SLC25A12: variants seen among roughly 807,000 people sequenced by gnomAD.
SLC25A12 encodes the protein electrogenic aspartate/glutamate antiporter SLC25A12, mitochondrial.
Under a neutral mutation model 83.3 loss-of-function variants are expected in SLC25A12, and 32 were observed. The observed-to-expected ratio is 0.38, with a 90% CI of 0.29 to 0.52. The LOEUF is 0.52. Ranked by LOEUF, SLC25A12 falls within the 20% of genes least tolerant of loss-of-function variation. The probability of loss-of-function intolerance (pLI) is 0.84; values close to 1 mark genes in which losing one functional copy is unlikely to be tolerated. For missense variants in SLC25A12, 611 were observed against 835.6 expected, an observed-to-expected ratio of 0.73 and a Z score of 3.31; for synonymous variants, 267 against 291.1, an observed-to-expected ratio of 0.92 and a Z score of 0.84.
At chr2:171,843,100 C>A (rs943865324) in intron 5 of SLC25A12, among the ~76,000 whole-genome samples, 1 of 152,004 alleles carries the variant, frequency 6.6e-6, no homozygotes, top group Admixed American at 6.6e-5. Context: ...GGATTACAGG[C>A]GTGAGCTACC....
rs1049043275 is a variant in SLC25A12, at chr2:171,821,991, G to A, written c.930+4807C>T. ...GGAAAAGACTTTTGTGTATGGTATG[G>A]GGTAGTGATTTTTTTTCCTTGTTGA... On this transcript the variant is annotated intron_variant, in intron 9 of 17. Coordinates refer to ENST00000422440, the MANE Select transcript of SLC25A12 (RefSeq NM_003705.5). Among the ~76,000 whole-genome samples, 7 of 152,170 alleles carry A rather than the reference G, an allele frequency of 4.6e-5. No individual in the cohort carries two copies. In the East Asian group the frequency reaches 7.7e-4, roughly 17 times the overall value.
chr2:171,859,810 G>A (rs145772172), intron 3 of SLC25A12, among the ~76,000 whole-genome samples: 3,195 of 152,038 alleles, frequency 0.021, 53 homozygotes, highest in Middle Eastern at 0.037. Context: ...TGCCCCAGCT[G>A]GAGTGCAATG....
intron 17 of SLC25A12, among the ~76,000 whole-genome samples, chr2:171,786,888 G>C (rs1222893700): frequency 6.6e-6 from 1 of 152,116 alleles, no homozygotes; most frequent in Non-Finnish European, 1.5e-5. Flanking sequence ...ATGCAAAAGG[G>C]CTTGGGACTT....
intron 4 of SLC25A12, among the ~76,000 whole-genome samples, chr2:171,853,291 A>C (rs1398276951): frequency 1.3e-5 from 2 of 152,242 alleles, no homozygotes; most frequent in African/African-American, 4.8e-5. Context: ...GTACCGTAAA[A>C]ACTAAAACTG....
Position 171,881,807 on chromosome 2 carries a change from A to C in SLC25A12, c.66+11398T>G, listed in dbSNP as rs182563706. Among the ~76,000 whole-genome samples the C allele has an allele frequency of 3.3e-5, 5 of 152,258 alleles. No individual in the cohort carries two copies. In the East Asian group the frequency reaches 9.6e-4, roughly 29 times the overall value. ...ATCAATAGCAATCTGTGTTGAACAG[A>C]TCTGCTGAAAATAATGAGCCATGGG... is the stretch of plus-strand genomic sequence containing the variant. On this transcript the variant is annotated intron_variant, in intron 2 of 17. Transcript: ENST00000422440.
chr2:171,850,593 C>T (rs1684907721), intron 4 of SLC25A12, among the ~76,000 whole-genome samples: 1 of 152,096 alleles, frequency 6.6e-6, no homozygotes, highest in African/African-American at 2.4e-5. Context: ...TCTCAAACTC[C>T]TGATCTTGTG....
intron 4 of SLC25A12, among the ~76,000 whole-genome samples, chr2:171,847,030 A>T (rs1235387085): frequency 6.6e-6 from 1 of 152,140 alleles, no homozygotes; most frequent in African/African-American, 2.4e-5. Context: ...ATTTTCCATG[A>T]GTATTTGGAC....
chr2:171,835,840 T>A (rs1446589003), intron 6 of SLC25A12, among the ~76,000 whole-genome samples: 1 of 151,838 alleles, frequency 6.6e-6, no homozygotes, highest in African/African-American at 2.4e-5. Flanking sequence ...TATATTTGTG[T>A]TAGCCTGAAT....
chr2:171,813,073 T>C (rs1016212403), intron 11 of SLC25A12, among the ~76,000 whole-genome samples: 6 of 152,212 alleles, frequency 3.9e-5, no homozygotes, highest in South Asian at 2.1e-4. Context: ...CATGGTGACA[T>C]AGACCCATGT....
chr2:171,815,183 C>G lies in SLC25A12; in HGVS notation c.950G>C (p.Arg317Thr), dbSNP rs1558916757. 1.2e-6 allele frequency: 2 copies of G among 1,613,702 alleles called. No individual in the cohort carries two copies. The highest frequency in any genetic ancestry group is 3.3e-5 in the Admixed American group (2 of 59,966). ...LQRQQSPGLG[R>T]PIWLQIAESA... Reference sequence around the variant, plus strand: ...CTCGGCAATCTGGAGCCAGATAGGCCTGCCTAACCCAGGAGACTGCTGCAG... The same window carrying G: ...CTCGGCAATCTGGAGCCAGATAGGCGTGCCTAACCCAGGAGACTGCTGCAG... Residue 317 changes from arginine (R) to threonine (T), a missense_variant, in exon 10 of 18, where the codon AGG (arginine) becomes ACG (threonine). By Grantham distance (71) the Arg-to-Thr change is moderately conservative (BLOSUM62 -1). Transcript: ENST00000422440.
At chr2:171,849,649 C>T (rs1684878022) in intron 4 of SLC25A12, among the ~76,000 whole-genome samples, 1 of 150,770 alleles carries the variant, frequency 6.6e-6, no homozygotes, top group Admixed American at 6.6e-5. Flanking sequence ...CTGACCTCAG[C>T]CTCCCGGGTT....
chr2:171,838,220 C>T (rs746660432), intron 5 of SLC25A12, among the ~76,000 whole-genome samples: 8 of 152,140 alleles, frequency 5.3e-5, no homozygotes, highest in Non-Finnish European at 1.0e-4. Flanking sequence ...TCAAAGACTA[C>T]AAATTAATGT....
intron 13 of SLC25A12, 103 bp from the exon 14 acceptor site, chr2:171,793,870 A>G: frequency 5.0e-6 from 7 of 1,389,760 alleles, no homozygotes; most frequent in Non-Finnish European, 6.1e-6. Context: ...CTATCTTGAA[A>G]AGAAGGAGGT....
At chr2:171,868,417 G>A (rs945432247) in intron 3 of SLC25A12, among the ~76,000 whole-genome samples, 9 of 150,214 alleles carry the variant, frequency 6.0e-5, no homozygotes, top group Middle Eastern at 3.5e-3. Flanking sequence ...GGATTCAAGC[G>A]ATTCTCCTCC....
intron 2 of SLC25A12, among the ~76,000 whole-genome samples, chr2:171,883,112 C>T (rs1010925827): frequency 2.0e-5 from 3 of 152,142 alleles, no homozygotes; most frequent in Non-Finnish European, 4.4e-5. Flanking sequence ...TACATATTAA[C>T]ATCTTAGTCT....
chr2:171,886,866 G>T (rs1227506035), intron 2 of SLC25A12, among the ~76,000 whole-genome samples: 1 of 152,098 alleles, frequency 6.6e-6, no homozygotes, highest in Non-Finnish European at 1.5e-5. Context: ...TAATCCAAAA[G>T]AAAATACCAT....
chr2:171,846,493 T>C (rs1220366630), intron 4 of SLC25A12, among the ~76,000 whole-genome samples: 3 of 152,090 alleles, frequency 2.0e-5, no homozygotes, highest in Non-Finnish European at 4.4e-5. Context: ...GCGTTCAAGC[T>C]AAGAAAATTC....
At chr2:171,885,249 T>G (rs1390244432) in intron 2 of SLC25A12, among the ~76,000 whole-genome samples, 1 of 151,978 alleles carries the variant, frequency 6.6e-6, no homozygotes, top group Non-Finnish European at 1.5e-5. Flanking sequence ...TTTTCTTATC[T>G]TTTTATTATT....
chr2:171,809,367 T>C (rs1276165424), intron 13 of SLC25A12: 3 of 527,380 alleles, frequency 5.7e-6, no homozygotes, highest in East Asian at 3.4e-5. Flanking sequence ...CCAGCATCTG[T>C]TGTTTCCTGA....
Sources: gnomAD v4.1 joint callset for allele counts (sites outside exome capture counted in the v4.1 genomes callset) on GRCh38, gnomAD v4.1.1 for gene constraint, MANE v1.5 for transcripts, NCBI Gene and HGNC (gene_info 2026-07-23, HGNC 2026-07-21) for gene names.